The following SNRNP70 variants were observed in gnomAD, a reference collection of about 807,000 sequenced individuals.
SNRNP70 encodes small nuclear ribonucleoprotein U1 subunit 70.
A neutral mutation model predicts 50.5 loss-of-function variants in SNRNP70; 8 were observed. The observed-to-expected ratio is 0.16, with a 90% CI of 0.09 to 0.29. The LOEUF (loss-of-function observed/expected upper bound fraction) is 0.29. Among genes scored for constraint, SNRNP70 ranks in the 10% least tolerant of loss-of-function variants. The pLI, the probability that SNRNP70 is intolerant of heterozygous loss-of-function variation, is 1.00. For synonymous variants in SNRNP70, 320 were observed against 252.9 expected (o/e 1.27, Z -2.52); for missense variants, 529 against 663.5 (o/e 0.80, Z 2.23).
chr19:49,106,810 C>A (rs2040675559), intron 8 of SNRNP70, among the ~76,000 whole-genome samples: 1 of 152,172 alleles, frequency 6.6e-6, no homozygotes, highest in Admixed American at 6.5e-5. Context: ...TCACTTGACA[C>A]ACACACATCC....
intron 6 of SNRNP70, among the ~76,000 whole-genome samples, chr19:49,099,959 C>G (rs1165566369): frequency 6.6e-6 from 1 of 152,102 alleles, no homozygotes; most frequent in Non-Finnish European, 1.5e-5. Context: ...TGTGTACACA[C>G]ACACACACAC....
Position 49,085,483 on chromosome 19 carries a change from C to T in SNRNP70, c.-164C>T, listed in dbSNP as rs764817759. 5.4e-4 allele frequency: 241 copies of T among 444,634 alleles called. 1 individual carries two copies. Among genetic ancestry groups the T allele is most frequent in the Admixed American group, 8.6e-4 (36 of 41,818 alleles). The allele number at this position is 444,634 out of a possible 1,614,324, so 27.5% of individuals were successfully genotyped here. On this transcript the variant is annotated 5_prime_UTR_variant, in exon 1 of 10. Transcript: ENST00000598441. ...ATCGGAGGCCGCGCGGGTGGCTGAG[C>T]AGCGGCCTGGTGCGCTCGCTTAGCG...
chr19:49,098,242 G>T (rs2040537626), intron 4 of SNRNP70, among the ~76,000 whole-genome samples, 185 bp from the exon 5 acceptor site: 1 of 152,170 alleles, frequency 6.6e-6, no homozygotes, highest in South Asian at 2.1e-4. Context: ...AAAGCCCACT[G>T]TGCCTCAGAG....
Position 49,101,400 on chromosome 19 carries a change from T to G in SNRNP70, c.404T>G (p.Val135Gly). ...VYGPIKRIHM[V>G]YSKRSGKPRG... The stretch of plus-strand genomic sequence containing the variant: ...CCATGTGCCCCACAGATACACATGG[T>G]CTACAGTAAGCGGTCAGGAAAGCCC... The change falls in exon 7 of 10, where the codon GTC becomes GGC. Residue 135 changes from valine (V) to glycine (G), a missense_variant. This residue lies in a region of SNRNP70 where 149 missense variants were observed against 259.7 expected (regional missense o/e 0.57). Transcript: ENST00000598441. 1 of 1,613,806 alleles carries G rather than the reference T, an allele frequency of 6.2e-7. No individual in the cohort carries two copies. The highest frequency in any genetic ancestry group is 8.5e-7 in the Non-Finnish European group (1 of 1,179,774).
Position 49,104,363 on chromosome 19 carries a change from G to C in SNRNP70, c.476-271G>C. 2.4e-6 allele frequency: 1 copy of C among 424,696 alleles called. No homozygotes were observed. The highest frequency in any genetic ancestry group is 4.3e-6 in the Non-Finnish European group (1 of 233,816). The allele number at this position is 424,696 out of a possible 1,614,324, so 26.3% of individuals were successfully genotyped here. A position where few individuals can be genotyped will look rare whatever the true frequency, so the allele number is the denominator to read the frequency against. ...TCCATCATGTGGGAGAGGAAGGGCCGGGGAGCCTAGGGGGTGGCGGGTGAG... is the reference window on the plus strand; with the variant it reads ...TCCATCATGTGGGAGAGGAAGGGCCCGGGAGCCTAGGGGGTGGCGGGTGAG... On this transcript the variant is annotated intron_variant, in intron 7 of 9. Coordinates refer to ENST00000598441, the MANE Select transcript of SNRNP70 (RefSeq NM_003089.6). This position sits in a 1 kb window ranked among gnomAD's most constrained non-coding sequence, Gnocchi z 5.4.
intron 4 of SNRNP70, among the ~76,000 whole-genome samples, chr19:49,091,647 C>T (rs2040448751): frequency 6.6e-6 from 1 of 152,180 alleles, no homozygotes; most frequent in East Asian, 1.9e-4. Flanking sequence ...AGGTTTTCCT[C>T]CTATACCTGT....
In SNRNP70 at chr19:49,107,014, G is replaced by C. The variant is rs1197627542; in HGVS notation, c.578-611G>C. On this transcript the variant is annotated intron_variant, in intron 8 of 9. Coordinates refer to ENST00000598441, the MANE Select transcript of SNRNP70 (RefSeq NM_003089.6). This position sits in a 1 kb window ranked among gnomAD's most constrained non-coding sequence, Gnocchi z 6.0. Reference sequence around the variant, plus strand: ...AGGACTGTGAGGAGAGACTTCCCGAGAAAGGATGTTCGGGCTAGCGTTAAG... The same window carrying C: ...AGGACTGTGAGGAGAGACTTCCCGACAAAGGATGTTCGGGCTAGCGTTAAG... Among the ~76,000 whole-genome samples, 1 of 152,172 alleles carries C rather than the reference G, an allele frequency of 6.6e-6. No individual in the cohort carries two copies. Among genetic ancestry groups the C allele is most frequent in the Non-Finnish European group, 1.5e-5 (1 of 68,034 alleles).
chr19:49,094,135 G>A (rs1473196511), intron 4 of SNRNP70, among the ~76,000 whole-genome samples: 2 of 152,194 alleles, frequency 1.3e-5, no homozygotes, highest in African/African-American at 4.8e-5. Context: ...ACTCTAAGAT[G>A]TAATAGTGGC....
intron 7 of SNRNP70, 113 bp downstream of exon 7, chr19:49,101,584 C>A: frequency 1.4e-6 from 1 of 712,488 alleles, no homozygotes; most frequent in Non-Finnish European, 2.6e-6. Context: ...TTAGCGATGT[C>A]TCTTCTCCTC....
At chr19:49,103,295 C>CTTGAGATTTCTTTGGG (rs2040615140) in intron 7 of SNRNP70, 1 of 152,488 alleles carries the variant, frequency 6.6e-6, no homozygotes, top group Admixed American at 6.6e-5. Flanking sequence ...CTAAGGCCTC[C>CTTGAGATTTCTTTGGG]TTGAGATTTC....
At chr19:49,101,549 C>G in intron 7 of SNRNP70, 78 bp downstream of exon 7, 1 of 915,734 alleles carries the variant, frequency 1.1e-6, no homozygotes, top group Non-Finnish European at 1.8e-6. Context: ...AGTCTGTCCC[C>G]TCCCCCACCC....
chr19:49,107,383 G>A lies in SNRNP70; in HGVS notation c.578-242G>A, dbSNP rs79540365. Among the ~76,000 whole-genome samples the A allele has an allele frequency of 2.3e-3, 349 of 152,322 alleles. 1 individual carries two copies. Among genetic ancestry groups the A allele is most frequent in the Non-Finnish European group, 3.8e-3 (256 of 68,030 alleles). On this transcript the variant is annotated intron_variant, in intron 8 of 9. Coordinates refer to ENST00000598441, the MANE Select transcript of SNRNP70 (RefSeq NM_003089.6). This position sits in a 1 kb window ranked among gnomAD's most constrained non-coding sequence, Gnocchi z 6.0. ...GCTATGGTTAAGATGATGCGCTTTG[G>A]GGCCAGACATGGGTTCCAGTAACGG...
chr19:49,107,591 C>A lies in SNRNP70; in HGVS notation c.578-34C>A. Reference sequence around the variant, plus strand: ...TGCTCCTCCGGGCCCTGTCCCTGCCCAGATTCACCCTCTGTCCGTCTGCCC... The same window carrying A: ...TGCTCCTCCGGGCCCTGTCCCTGCCAAGATTCACCCTCTGTCCGTCTGCCC... On this transcript the variant is annotated intron_variant, in intron 8 of 9. Coordinates refer to ENST00000598441, the MANE Select transcript of SNRNP70 (RefSeq NM_003089.6). This position sits in a 1 kb window ranked among gnomAD's most constrained non-coding sequence, Gnocchi z 6.0. The A allele has an allele frequency of 6.2e-7, 1 of 1,603,010 alleles. No homozygotes were observed. Among genetic ancestry groups the A allele is most frequent in the Non-Finnish European group, 8.5e-7 (1 of 1,170,018 alleles).
rs904398577 is a variant in SNRNP70, at chr19:49,098,647, T to C, written c.336T>C (p.Tyr112=). ...FKTLFVARVN[Y]DTTESKLRRE... ...TCATATCCATCTCCTTGTAGAATTATGACACAACAGAATCCAAGCTCCGGA... is the reference window on the plus strand; with the variant it reads ...TCATATCCATCTCCTTGTAGAATTACGACACAACAGAATCCAAGCTCCGGA... The change falls in exon 6 of 10, where the codon TAT becomes TAC. Residue 112 remains tyrosine (Y), a synonymous_variant. Transcript: ENST00000598441. 7 of 1,614,008 alleles carry C rather than the reference T, an allele frequency of 4.3e-6. No homozygotes were observed. The highest frequency in any genetic ancestry group is 1.3e-5 in the African/African-American group (1 of 75,024).
Position 49,101,460 on chromosome 19 carries a change from G to A in SNRNP70, c.464G>A (p.Arg155Gln), listed in dbSNP as rs148567565. 7 of 1,613,054 alleles carry A rather than the reference G, an allele frequency of 4.3e-6. No individual in the cohort carries two copies. Among genetic ancestry groups the A allele is most frequent in the South Asian group, 1.1e-5 (1 of 91,074 alleles). Reference sequence around the variant, plus strand: ...GCCTTCATCGAGTACGAACACGAGCGAGACATGCACTGTGAGTACCTCCCG... The same window carrying A: ...GCCTTCATCGAGTACGAACACGAGCAAGACATGCACTGTGAGTACCTCCCG... The part of the protein sequence containing the change: ...GYAFIEYEHE[R>Q]DMHSAYKHAD... Residue 155 changes from arginine to glutamine, a missense_variant, in exon 7 of 10, where the codon CGA becomes CAA. Physicochemically the swap from Arg to Gln is conservative, Grantham distance 43. Transcript: ENST00000598441.
At chr19:49,096,312 C>G (rs148244160) in intron 4 of SNRNP70, among the ~76,000 whole-genome samples, 3,432 of 152,060 alleles carry the variant, frequency 0.023, 130 homozygotes, top group African/African-American at 0.079. Context: ...CCGCCTTAGC[C>G]TCCCAAATTG....
Position 49,104,371 on chromosome 19 carries a change from T to C in SNRNP70, c.476-263T>C. ...GTGGGAGAGGAAGGGCCGGGGAGCC[T>C]AGGGGGTGGCGGGTGAGGGTGGACG... is the stretch of plus-strand genomic sequence containing the variant. On this transcript the variant is annotated intron_variant, in intron 7 of 9. Transcript: ENST00000598441. The surrounding 1 kb of genome is among the most constrained non-coding windows in gnomAD (Gnocchi z 5.4). 2.3e-6 allele frequency: 1 copy of C among 444,388 alleles called. No homozygotes were observed. The allele number at this position is 444,388 out of a possible 1,614,324, so 27.5% of individuals were successfully genotyped here.
intron 4 of SNRNP70, among the ~76,000 whole-genome samples, chr19:49,096,722 T>A (rs918474864): frequency 5.3e-5 from 8 of 150,860 alleles, no homozygotes; most frequent in African/African-American, 1.7e-4. Context: ...AGCCGAGATC[T>A]CGCCATCCAT....
intron 5 of SNRNP70, 45 bp from the exon 6 acceptor site, chr19:49,098,597 G>A (rs775437497): frequency 8.8e-6 from 14 of 1,597,950 alleles, no homozygotes; most frequent in Admixed American, 1.7e-5. Context: ...GGGGCTGTGG[G>A]ACAGCTCTGT....
Sources: gnomAD v4.1 joint callset for allele counts (sites outside exome capture counted in the v4.1 genomes callset) on GRCh38, gnomAD v4.1.1 for gene constraint, gnomAD v4.1.1 regional missense constraint, Gnocchi (gnomAD v3.1) non-coding constraint, MANE v1.5 for transcripts, NCBI Gene and HGNC (gene_info 2026-07-23, HGNC 2026-07-21) for gene names.